The following GLDC variants were observed in gnomAD, a reference collection of about 807,000 sequenced individuals.
GLDC encodes glycine decarboxylase.
GLDC carries 104 observed loss-of-function variants against 121.3 expected under a neutral mutation model. The observed-to-expected ratio is 0.86, with a 90% CI of 0.73 to 1.01. The LOEUF is 1.01. Ranked by LOEUF, GLDC falls within the 50% of genes least tolerant of loss-of-function variation. GLDC has a pLI of 0.00. For synonymous variants in GLDC, 546 were observed against 480.6 expected (o/e 1.14, Z -1.78); for missense variants, 1,429 against 1,306.6 (o/e 1.09, Z -1.44).
chr9:6,565,611 A>G (rs1817840843), intron 15 of GLDC, 182 bp from the exon 16 acceptor site: 1 of 678,862 alleles, frequency 1.5e-6, no homozygotes, highest in Admixed American at 2.1e-5. Context: ...AATCAAAACA[A>G]TCAAAGCAAC....
At chr9:6,613,177 A>G (rs1818896402) in intron 3 of GLDC, among the ~76,000 whole-genome samples, 1 of 152,194 alleles carries the variant, frequency 6.6e-6, no homozygotes, top group Non-Finnish European at 1.5e-5. Flanking sequence ...CACCTTTTTT[A>G]TGATTATGTT....
At position 6,588,436 on chromosome 9, in the gene GLDC, A is replaced by G; in HGVS notation, c.1672T>C (p.Cys558Arg). 6.2e-7 allele frequency: 1 copy of G among 1,611,800 alleles called. No individual in the cohort carries two copies. The highest frequency in any genetic ancestry group is 8.5e-7 in the Non-Finnish European group (1 of 1,177,846). ...GACGAACTGTTCAGTTTCATGGTGCAGGATCCCTTTAAGAAGAACATCCAA... is the reference window on the plus strand; with the variant it reads ...GACGAACTGTTCAGTTTCATGGTGCGGGATCCCTTTAAGAAGAACATCCAA... ...LVHSMIPLGS[C>R]TMKLNSSSEL... The change falls in exon 14 of 25, where the codon TGC becomes CGC. Residue 558 changes from cysteine to arginine, a missense_variant. Transcript: ENST00000321612.
At chr9:6,583,814 C>G (rs1793854643) in intron 15 of GLDC, among the ~76,000 whole-genome samples, 1 of 152,152 alleles carries the variant, frequency 6.6e-6, no homozygotes, top group African/African-American at 2.4e-5. Context: ...CTAAAGTAGT[C>G]AAATTCATGG....
Position 6,629,494 on chromosome 9 carries a change from A to C in GLDC, c.335-9175T>G, listed in dbSNP as rs117234623. ...CCCCCAAGTAGCTGTTAAATTTTCA[A>C]TACATTACTAGGACTAGGTTTTAAT... On this transcript the variant is annotated intron_variant, in intron 2 of 24. Transcript: ENST00000321612. Among the ~76,000 whole-genome samples, 451 of 152,152 alleles carry C rather than the reference A, an allele frequency of 3.0e-3. 10 individuals carry two copies. In the East Asian group the frequency reaches 0.044, roughly 15 times the overall value.
At chr9:6,626,293 AG>A (rs1819235511) in intron 2 of GLDC, among the ~76,000 whole-genome samples, 1 of 152,196 alleles carries the variant, frequency 6.6e-6, no homozygotes, top group South Asian at 2.1e-4. Flanking sequence ...GATCCCAGGA[AG>A]GGGGTGGGGC....
intron 21 of GLDC, among the ~76,000 whole-genome samples, chr9:6,545,035 G>A (rs544795461): frequency 7.0e-4 from 106 of 152,118 alleles, no homozygotes; most frequent in Non-Finnish European, 5.7e-4. Flanking sequence ...GGAGGCAGAG[G>A]TTGAGGTGAG....
rs115460050 is a variant in GLDC, at chr9:6,537,955, A to C, written c.2666-1719T>G. On this transcript the variant is annotated intron_variant, in intron 22 of 24. Transcript: ENST00000321612. ...TACACTGCAGTCATTAGTACACTTC[A>C]CTCTTAAACCCTTCAGCATATATAT... 4.4e-3 allele frequency among the ~76,000 whole-genome samples: 662 copies of C among 152,082 alleles called. 2 individuals are homozygous for C. The highest frequency in any genetic ancestry group is 0.015 in the African/African-American group (618 of 41,478).
chr9:6,588,801 T>G, intron 12 of GLDC, 99 bp from the exon 13 acceptor site: 1 of 806,190 alleles, frequency 1.2e-6, no homozygotes, highest in Non-Finnish European at 2.2e-6. Context: ...ACTTTCAAAA[T>G]GCAGATCAAT....
At chr9:6,533,331 A>G (rs1336564785) in intron 24 of GLDC, among the ~76,000 whole-genome samples, 171 bp from the exon 25 acceptor site, 2 of 152,196 alleles carry the variant, frequency 1.3e-5, no homozygotes, top group Non-Finnish European at 2.9e-5. Context: ...GGCATTTCCC[A>G]GGAGGCGTGT....
At chr9:6,539,067 A>G (rs4742212) in intron 22 of GLDC, among the ~76,000 whole-genome samples, 33,689 of 151,976 alleles carry the variant, frequency 0.22, 4,518 homozygotes, top group Non-Finnish European at 0.29. Flanking sequence ...TTTTCCAAAA[A>G]CAAGTCATTA....
chr9:6,581,430 T>C (rs1203064627), intron 15 of GLDC, among the ~76,000 whole-genome samples: 2 of 152,222 alleles, frequency 1.3e-5, no homozygotes, highest in African/African-American at 4.8e-5. Context: ...CTTCTTGTAC[T>C]GAAGTTCCTG....
chr9:6,575,346 T>C (rs934046327), intron 15 of GLDC, among the ~76,000 whole-genome samples: 1 of 152,168 alleles, frequency 6.6e-6, no homozygotes, highest in Admixed American at 6.5e-5. Flanking sequence ...AATTCTAACA[T>C]GCAGCCAGGT....
At position 6,605,019 on chromosome 9, in the gene GLDC, T is replaced by C. The variant is rs1818700974; in HGVS notation, c.861+112A>G. ...CAGGAAGGAGAGTTTTACCATTCCA[T>C]GTGATAATGGTAAAGAAATTAAGGC... On this transcript the variant is annotated intron_variant, in intron 6 of 24. Coordinates refer to ENST00000321612, the MANE Select transcript of GLDC (RefSeq NM_000170.3). The C allele has an allele frequency of 9.8e-6, 11 of 1,119,976 alleles. No homozygotes were observed. The Admixed American group carries it at 1.0e-4, about 11-fold the overall frequency. 69.4% of individuals were successfully genotyped at this position (1,119,976 alleles called of 1,614,324 possible).
At chr9:6,578,034 C>T (rs12378606) in intron 15 of GLDC, among the ~76,000 whole-genome samples, 34,365 of 151,706 alleles carry the variant, frequency 0.23, 4,218 homozygotes, top group Middle Eastern at 0.28. Flanking sequence ...CTGGCCTCGG[C>T]CTCTCGAGTA....
chr9:6,588,161 A>G (rs1010319110), intron 14 of GLDC, among the ~76,000 whole-genome samples: 3 of 152,068 alleles, frequency 2.0e-5, no homozygotes, highest in African/African-American at 7.2e-5. Context: ...AGGCATAAAT[A>G]CCATATACAT....
intron 16 of GLDC, among the ~76,000 whole-genome samples, chr9:6,560,829 T>C (rs1817740766): frequency 6.6e-6 from 1 of 152,146 alleles, no homozygotes; most frequent in African/African-American, 2.4e-5. Flanking sequence ...GACTTGCAGA[T>C]GGGATTAAGG....
chr9:6,553,233 C>G, intron 20 of GLDC, 135 bp downstream of exon 20: 2 of 777,426 alleles, frequency 2.6e-6, no homozygotes, highest in African/African-American at 1.7e-5. Context: ...CCCAGGCCAT[C>G]AGCAATATTC....
chr9:6,644,531 C>T, intron 2 of GLDC, 83 bp downstream of exon 2: 1 of 927,426 alleles, frequency 1.1e-6, no homozygotes. Flanking sequence ...CAATCCTTAC[C>T]CCAGAGCTCG....
chr9:6,638,371 C>G (rs528406263), intron 2 of GLDC, among the ~76,000 whole-genome samples: 6 of 152,042 alleles, frequency 3.9e-5, no homozygotes, highest in African/African-American at 1.4e-4. Flanking sequence ...TGCGCCACCA[C>G]GCCCAGGTAA....
Sources: gnomAD v4.1 joint callset for allele counts (sites outside exome capture counted in the v4.1 genomes callset) on GRCh38, gnomAD v4.1.1 for gene constraint, MANE v1.5 for transcripts, NCBI Gene and HGNC (gene_info 2026-07-23, HGNC 2026-07-21) for gene names.